The following PDZD9 variants were observed in gnomAD, a reference collection of about 807,000 sequenced individuals.
PDZD9 encodes PDZ domain-containing protein 9.
PDZD9 carries 13 observed loss-of-function variants against 16.3 expected under a neutral mutation model. The ratio of observed to expected loss-of-function variants is 0.80; its 90% CI spans 0.52 to 1.27. The LOEUF (loss-of-function observed/expected upper bound fraction) is 1.27, where lower values mean the gene tolerates loss of function less well. Ranked by LOEUF, PDZD9 falls within the 50% of genes most tolerant of loss-of-function variation. The probability of loss-of-function intolerance (pLI) is 0.00; values close to 1 mark genes in which losing one functional copy is unlikely to be tolerated. For synonymous variants in PDZD9, 120 were observed against 111.0 expected (o/e 1.08, Z -0.51); for missense variants, 288 against 310.9 (o/e 0.93, Z 0.55).
intron 2 of PDZD9, among the ~76,000 whole-genome samples, chr16:21,993,267 C>T (rs1449279845): frequency 1.3e-5 from 2 of 152,082 alleles, no homozygotes; most frequent in East Asian, 1.9e-4. Context: ...TTCTCTGTTG[C>T]CCACCTAAAA....
the PDZD9 span, among the ~76,000 whole-genome samples, chr16:21,967,189 A>G: frequency 2.6e-5 from 4 of 152,236 alleles, no homozygotes; most frequent in Non-Finnish European, 5.9e-5. Flanking sequence ...ATAGAAAAAC[A>G]TCAATAGAAA....
intron 1 of PDZD9, among the ~76,000 whole-genome samples, chr16:21,998,622 G>A (rs1899209820): frequency 6.6e-6 from 1 of 151,846 alleles, no homozygotes; most frequent in South Asian, 2.1e-4. Context: ...AACCCAGGAG[G>A]CAGAGGTTGC....
the PDZD9 span, chr16:21,971,374 C>T: frequency 1.6e-6 from 1 of 624,808 alleles, no homozygotes; most frequent in East Asian, 2.8e-5. Flanking sequence ...AATTGGGTAT[C>T]TCTGGGAGAG....
chr16:21,962,813 C>T, the PDZD9 span: 10 of 1,614,032 alleles, frequency 6.2e-6, no homozygotes, highest in South Asian at 4.4e-5. Context: ...AGAATTTCGT[C>T]GTTGGGAAGT....
chr16:21,972,003 G>A, the PDZD9 span: 1 of 1,614,142 alleles, frequency 6.2e-7, no homozygotes, highest in Non-Finnish European at 8.5e-7. Context: ...AAGTGCAGAG[G>A]CAAATGCATT....
At chr16:21,980,840 G>T, downstream of PDZD9, 2 of 971,292 alleles carry the variant, frequency 2.1e-6, no homozygotes, top group Non-Finnish European at 2.9e-6. Flanking sequence ...AGGCAGGAGG[G>T]CTCATTCCCA....
the PDZD9 span, among the ~76,000 whole-genome samples, chr16:21,966,100 GGC>G: frequency 6.6e-6 from 1 of 151,756 alleles, no homozygotes; most frequent in Non-Finnish European, 1.5e-5. Flanking sequence ...GATCACTTGA[GGC>G]CAGGAGTTCA....
chr16:21,975,687 G>T, the PDZD9 span, among the ~76,000 whole-genome samples: 1 of 152,136 alleles, frequency 6.6e-6, no homozygotes. Flanking sequence ...GCTGTGTATG[G>T]ATTACTACTC....
At chr16:21,957,695 G>T in the PDZD9 span, 2 of 1,360,484 alleles carry the variant, frequency 1.5e-6, no homozygotes, top group Non-Finnish European at 2.0e-6. Flanking sequence ...CCACGGACTG[G>T]GTAGCTTAAA....
chr16:21,973,341 CT>C, the PDZD9 span, among the ~76,000 whole-genome samples: 1 of 152,112 alleles, frequency 6.6e-6, no homozygotes, highest in Admixed American at 6.5e-5. Context: ...CACATAAACA[CT>C]GCAAATCGGG....
At position 21,994,482 on chromosome 16, in the gene PDZD9, C is replaced by T. The variant is rs577589402; in HGVS notation, c.211+1840G>A. Among the ~76,000 whole-genome samples the T allele has an allele frequency of 2.6e-5, 4 of 152,362 alleles. No individual in the cohort carries two copies. In the East Asian group the frequency reaches 7.7e-4, roughly 29 times the overall value. The stretch of plus-strand genomic sequence containing the variant: ...TCTTGAACTGCATGGAAAATTCATT[C>T]ACCCAAAGACACGAGGAGCAGGGCA... On this transcript the variant is annotated intron_variant, in intron 2 of 3. Transcript: ENST00000424898.
the PDZD9 span, chr16:21,968,723 C>T: frequency 6.4e-7 from 1 of 1,573,634 alleles, no homozygotes; most frequent in Non-Finnish European, 8.6e-7. Context: ...AGTTTGCTTC[C>T]TTAAGAGCAG....
the PDZD9 span, among the ~76,000 whole-genome samples, chr16:21,958,078 G>A: frequency 6.6e-6 from 1 of 152,074 alleles, no homozygotes; most frequent in South Asian, 2.1e-4. Flanking sequence ...ATTCTGGCTG[G>A]ACATAAATTT....
chr16:21,984,981 C>CA (rs1436632560), intron 3 of PDZD9, among the ~76,000 whole-genome samples: 1 of 152,212 alleles, frequency 6.6e-6, no homozygotes, highest in African/African-American at 2.4e-5. Context: ...GTGACGGATT[C>CA]AACCTGGCCA....
chr16:21,986,537 C>T (rs775812794), intron 3 of PDZD9, among the ~76,000 whole-genome samples: 13 of 152,106 alleles, frequency 8.5e-5, no homozygotes, highest in South Asian at 2.1e-4. Flanking sequence ...GAGTTGTGAT[C>T]GTGCTACTAC....
chr16:21,963,217 G>C, the PDZD9 span: 1 of 175,518 alleles, frequency 5.7e-6, no homozygotes, highest in African/African-American at 2.4e-5. Flanking sequence ...GTTCAGTCTT[G>C]AATTCCTGGC....
At chr16:21,966,892 T>G in the PDZD9 span, among the ~76,000 whole-genome samples, 52 of 152,346 alleles carry the variant, frequency 3.4e-4, no homozygotes, top group African/African-American at 1.2e-3. Context: ...AGGGAACTAG[T>G]TAAATAACTT....
chr16:21,981,274 A>T (rs1001187870), downstream of PDZD9, among the ~76,000 whole-genome samples: 1 of 152,086 alleles, frequency 6.6e-6, no homozygotes, highest in Admixed American at 6.5e-5. Flanking sequence ...GGCAAGGACT[A>T]TGTCATGTAC....
intron 3 of PDZD9, among the ~76,000 whole-genome samples, chr16:21,985,211 C>A (rs1409555110): frequency 6.6e-6 from 1 of 152,122 alleles, no homozygotes; most frequent in Non-Finnish European, 1.5e-5. Context: ...AATTCCTGGG[C>A]TCAAGTGACC....
Sources: gnomAD v4.1 joint callset for allele counts (sites outside exome capture counted in the v4.1 genomes callset) on GRCh38, gnomAD v4.1.1 for gene constraint, MANE v1.5 for transcripts, NCBI Gene and HGNC (gene_info 2026-07-23, HGNC 2026-07-21) for gene names.